Variants in RPP30 observed in about 807,000 individuals in gnomAD.
RPP30 encodes the protein ribonuclease P/MRP subunit p30.
In RPP30, 36 loss-of-function variants were observed where a neutral mutation model predicts 38.6. The observed-to-expected ratio is 0.93, with a 90% CI of 0.71 to 1.23. RPP30 has a LOEUF of 1.23. Among genes scored for constraint, RPP30 ranks in the 50% most tolerant of loss-of-function variants. The pLI is 0.00. For synonymous variants in RPP30, 126 were observed against 112.7 expected (o/e 1.12, Z -0.75); for missense variants, 321 against 321.7 (o/e 1.00, Z 0.02).
At chr10:90,882,706 G>A (rs1846946217) in intron 5 of RPP30, among the ~76,000 whole-genome samples, 1 of 152,162 alleles carries the variant, frequency 6.6e-6, no homozygotes, top group Non-Finnish European at 1.5e-5. Flanking sequence ...CCTTGTGCCT[G>A]TAATTCCAGG....
intron 5 of RPP30, among the ~76,000 whole-genome samples, chr10:90,882,402 A>T (rs1846940583): frequency 6.6e-6 from 1 of 152,240 alleles, no homozygotes. Flanking sequence ...TGGGCCAGGC[A>T]TGGTGGCTCA....
intron 6 of RPP30, among the ~76,000 whole-genome samples, chr10:90,890,057 C>T (rs180967417): frequency 5.4e-4 from 83 of 152,318 alleles, no homozygotes; most frequent in African/African-American, 1.9e-3. Context: ...TAATTATCTC[C>T]ATATGCAGGT....
chr10:90,875,760 A>G lies in RPP30; in HGVS notation c.195+146A>G, dbSNP rs148987355. The G allele has an allele frequency of 3.5e-3, 2,488 of 710,584 alleles. 55 individuals carry two copies. In the Admixed American group the frequency reaches 0.045, roughly 13 times the overall value. The allele number at this position is 710,584 out of a possible 1,614,324, so 44.0% of individuals were successfully genotyped here. On this transcript the variant is annotated intron_variant, in intron 3 of 10. Coordinates refer to ENST00000371703, the MANE Select transcript of RPP30 (RefSeq NM_006413.5). ...CTCAAGGCTCAGCTCTTCAGGAAAC[A>G]TTCTTTTACTATCAATTCAGCATTG... is the stretch of plus-strand genomic sequence containing the variant.
chr10:90,901,755 A>G lies in RPP30; in HGVS notation c.*1076A>G. On this transcript the variant is annotated 3_prime_UTR_variant, in exon 11 of 11. Transcript: ENST00000371703. ...AAAACAATGGAGTAGAGCCAGAGGTATAACTGAATAAGAAATTTTTTTAAG... is the reference window on the plus strand; with the variant it reads ...AAAACAATGGAGTAGAGCCAGAGGTGTAACTGAATAAGAAATTTTTTTAAG... 1 of 984,824 alleles carries G rather than the reference A, an allele frequency of 1.0e-6. No homozygotes were observed. The highest frequency in any genetic ancestry group is 1.2e-6 in the Non-Finnish European group (1 of 829,366). 61.0% of individuals were successfully genotyped at this position (984,824 alleles called of 1,614,324 possible).
At chr10:90,905,993 G>C (rs1589505087), downstream of RPP30, 1 of 152,334 alleles carries the variant, frequency 6.6e-6, no homozygotes, top group East Asian at 1.9e-4. Context: ...AAGTTGTTCA[G>C]TTGAAGTTGT....
At chr10:90,893,606 CATT>C (rs1215159412) in intron 6 of RPP30, among the ~76,000 whole-genome samples, 3 of 152,170 alleles carry the variant, frequency 2.0e-5, no homozygotes, top group Non-Finnish European at 4.4e-5. Flanking sequence ...CTGTCTTCCT[CATT>C]ATTTTTCTCC....
chr10:90,890,738 G>A (rs541872717), intron 6 of RPP30, among the ~76,000 whole-genome samples: 127 of 151,850 alleles, frequency 8.4e-4, no homozygotes, highest in Middle Eastern at 3.4e-3. Flanking sequence ...CAAACTGATG[G>A]AAAATTTTCA....
intron 1 of RPP30, 33 bp from the exon 2 acceptor site, chr10:90,874,836 A>T (rs1354660236): frequency 1.3e-6 from 2 of 1,510,702 alleles, no homozygotes; most frequent in Non-Finnish European, 1.8e-6. Context: ...AGGTTGTTAT[A>T]TTTAACAAAA....
intron 1 of RPP30, among the ~76,000 whole-genome samples, chr10:90,873,739 T>C (rs1018859968): frequency 1.3e-5 from 2 of 151,984 alleles, no homozygotes; most frequent in African/African-American, 4.8e-5. Context: ...TAAAGAAGAA[T>C]AGGGAGGAGG....
At chr10:90,874,648 AT>A (rs1476921805) in intron 1 of RPP30, among the ~76,000 whole-genome samples, 7 of 152,304 alleles carry the variant, frequency 4.6e-5, no homozygotes, top group African/African-American at 1.7e-4. Flanking sequence ...AAGTGTTGTT[AT>A]TTTCACCATT....
rs1014246882 is a variant in RPP30 at position 90,880,204 on chromosome 10, A to G, written c.342+1070A>G. 2.7e-5 allele frequency: 4 copies of G among 145,576 alleles called. No homozygotes were observed. In the South Asian group the frequency reaches 8.8e-4, roughly 32 times the overall value. 9.0% of individuals were successfully genotyped at this position (145,576 alleles called of 1,614,324 possible). On this transcript the variant is annotated intron_variant, in intron 5 of 10. Transcript: ENST00000371703. ...CTGGTCTTTGAGGTTTTAATGTTAC[A>G]TCAGTTTTTTTTTTTTTTAAGCAAA...
chr10:90,896,004 TCTC>T, intron 9 of RPP30, 87 bp downstream of exon 9: 1 of 1,029,736 alleles, frequency 9.7e-7, no homozygotes, highest in East Asian at 2.4e-5. Context: ...CATGTATTTT[TCTC>T]AACCTTTTAC....
In RPP30 at chr10:90,901,359, C is replaced by G; in HGVS notation, c.*680C>G. 1 of 982,568 alleles carries G rather than the reference C, an allele frequency of 1.0e-6. No individual in the cohort carries two copies. Among genetic ancestry groups the G allele is most frequent in the Non-Finnish European group, 1.2e-6 (1 of 827,404 alleles). The allele number at this position is 982,568 out of a possible 1,614,324, so 60.9% of individuals were successfully genotyped here. A position where few individuals can be genotyped will look rare whatever the true frequency, so the allele number is the denominator to read the frequency against. On this transcript the variant is annotated 3_prime_UTR_variant, in exon 11 of 11. Transcript: ENST00000371703. ...AAATAGTAGTTATTTTGAAGATATTCAAACTTATATTGAAGAAGTGACTTT... is the reference window on the plus strand; with the variant it reads ...AAATAGTAGTTATTTTGAAGATATTGAAACTTATATTGAAGAAGTGACTTT...
chr10:90,904,407 A>G (rs190505103), downstream of RPP30, among the ~76,000 whole-genome samples: 21 of 152,334 alleles, frequency 1.4e-4, no homozygotes, highest in East Asian at 3.7e-3. Context: ...CAAATTATGT[A>G]ACCTCTCTGT....
intron 7 of RPP30, 49 bp downstream of exon 7, chr10:90,894,940 T>C: frequency 8.4e-7 from 1 of 1,192,164 alleles, no homozygotes; most frequent in Non-Finnish European, 1.3e-6. Context: ...CAGTTTATTA[T>C]TAGTAGTACA....
intron 6 of RPP30, among the ~76,000 whole-genome samples, chr10:90,889,301 T>C (rs2120211572): frequency 6.9e-6 from 1 of 145,476 alleles, no homozygotes; most frequent in East Asian, 2.0e-4. Flanking sequence ...TTTATAAGGA[T>C]TACTTTTTTT....
At chr10:90,891,830 G>A (rs1847085253) in intron 6 of RPP30, among the ~76,000 whole-genome samples, 1 of 152,216 alleles carries the variant, frequency 6.6e-6, no homozygotes, top group Non-Finnish European at 1.5e-5. Context: ...GGATAGGGCA[G>A]ATAGGATTGG....
At chr10:90,885,788 T>A in intron 5 of RPP30, 24 bp from the exon 6 acceptor site, 1 of 1,536,110 alleles carries the variant, frequency 6.5e-7, no homozygotes, top group Non-Finnish European at 9.0e-7. Flanking sequence ...CTTTTGGCCT[T>A]ACCTATTTTT....
At chr10:90,896,014 T>G (rs1847135203) in intron 9 of RPP30, 97 bp downstream of exon 9, 1 of 916,404 alleles carries the variant, frequency 1.1e-6, no homozygotes, top group East Asian at 2.5e-5. Flanking sequence ...TCTCAACCTT[T>G]TACTGTAAGT....
Sources: allele counts gnomAD v4.1 joint callset (sites outside exome capture counted in the v4.1 genomes callset), GRCh38; gene constraint gnomAD v4.1.1; transcripts MANE v1.5; gene names NCBI Gene and HGNC (gene_info 2026-07-23, HGNC 2026-07-21).